Variants in GTF2A1L observed in about 807,000 individuals in gnomAD.
The protein encoded by GTF2A1L is general transcription factor IIA subunit 1 like, also known as TFIIA-alpha and beta-like factor.
GTF2A1L carries 48 observed loss-of-function variants against 49.7 expected under a neutral mutation model. The ratio of observed to expected loss-of-function variants is 0.97; its 90% confidence interval spans 0.77 to 1.23. The LOEUF is 1.23. GTF2A1L is among the 50% of genes most tolerant of loss of function. GTF2A1L has a pLI of 0.00. For synonymous variants in GTF2A1L, 246 were observed against 193.5 expected (o/e 1.27, Z -2.25); for missense variants, 736 against 564.8 (o/e 1.30, Z -3.07).
chr2:48,644,938 C>T (rs1677413348), intron 4 of GTF2A1L, 95 bp from the exon 5 acceptor site: 4 of 1,081,832 alleles, frequency 3.7e-6, no homozygotes, highest in African/African-American at 1.6e-5. Flanking sequence ...AACTATTGTC[C>T]AGAATCAGAT....
chr2:48,644,783 T>C (rs993447560), intron 4 of GTF2A1L, among the ~76,000 whole-genome samples: 1 of 152,208 alleles, frequency 6.6e-6, no homozygotes, highest in Admixed American at 6.5e-5. Flanking sequence ...TTTGAGTTAA[T>C]GTTTATACTG....
At chr2:48,638,412 T>C (rs1677022113) in intron 3 of GTF2A1L, among the ~76,000 whole-genome samples, 1 of 152,146 alleles carries the variant, frequency 6.6e-6, no homozygotes, top group Admixed American at 6.6e-5. Flanking sequence ...CAATGCAAAG[T>C]TGGCTCAGCA....
At position 48,646,675 on chromosome 2, in the gene GTF2A1L, C is replaced by T. The variant is rs200588064; in HGVS notation, c.611C>T (p.Pro204Leu). The T allele has an allele frequency of 4.3e-4, 692 of 1,614,106 alleles. No homozygotes were observed. The highest frequency in any genetic ancestry group is 2.8e-3 in the Middle Eastern group (17 of 6,062). ...LQQPAILPSG[P>L]VDRKHLENAT... The stretch of plus-strand genomic sequence containing the variant: ...CAACCCGCAATTCTACCTTCTGGGC[C>T]AGTAGATAGGAAACACTTAGAAAAT... Residue 204 changes from proline to leucine, a missense_variant, in exon 6 of 9, where the codon CCA becomes CTA. By Grantham distance (98) the Pro-to-Leu change is moderately conservative. Transcript: ENST00000403751.
At chr2:48,645,336 C>A (rs976170108) in intron 5 of GTF2A1L, among the ~76,000 whole-genome samples, 3 of 152,168 alleles carry the variant, frequency 2.0e-5, no homozygotes, top group African/African-American at 7.2e-5. Flanking sequence ...ATTCCCAGTT[C>A]TCTTTCCCAA....
At chr2:48,667,916 A>C (rs1364054574) in intron 6 of GTF2A1L, among the ~76,000 whole-genome samples, 1 of 152,176 alleles carries the variant, frequency 6.6e-6, no homozygotes, top group Non-Finnish European at 1.5e-5. Flanking sequence ...ACTCAGAAGA[A>C]ATATGAATAA....
At chr2:48,653,958 A>G (rs1187778651) in intron 6 of GTF2A1L, among the ~76,000 whole-genome samples, 2 of 151,418 alleles carry the variant, frequency 1.3e-5, no homozygotes, top group Non-Finnish European at 2.9e-5. Context: ...CAGCCCCGAA[A>G]ACATTTATAT....
Position 48,671,659 on chromosome 2 carries a change from T to A in GTF2A1L, c.1308T>A (p.Val436=), listed in dbSNP as rs3920390. The change falls in exon 8 of 9, where the codon GTT becomes GTA. Residue 436 remains valine (V), a synonymous_variant. Transcript: ENST00000403751. Reference sequence around the variant, plus strand: ...CAGACCTGTTTGACACGGATAATGTTATTGTCTGTCAGTATGATAAGGTAC... The same window carrying A: ...CAGACCTGTTTGACACGGATAATGTAATTGTCTGTCAGTATGATAAGGTAC... ...DVPDLFDTDN[V]IVCQYDKIHR... The A allele has an allele frequency of 0.97, 1,568,676 of 1,613,494 alleles. 762,657 individuals carry two copies. Among genetic ancestry groups the A allele is most frequent in the East Asian group, 1 (44,856 of 44,864 alleles).
chr2:48,662,573 G>A (rs1678573663), intron 6 of GTF2A1L, among the ~76,000 whole-genome samples: 1 of 151,946 alleles, frequency 6.6e-6, no homozygotes, highest in African/African-American at 2.4e-5. Flanking sequence ...GGGTTTTGCA[G>A]CGGCAGAGAG....
At chr2:48,649,854 A>G (rs374969636) in intron 6 of GTF2A1L, among the ~76,000 whole-genome samples, 1 of 152,288 alleles carries the variant, frequency 6.6e-6, no homozygotes, top group African/African-American at 2.4e-5. Flanking sequence ...TTCCTTCCTC[A>G]CATGAATATA....
intron 4 of GTF2A1L, among the ~76,000 whole-genome samples, chr2:48,642,875 A>C (rs1288528337): frequency 6.9e-6 from 1 of 145,584 alleles, no homozygotes; most frequent in Admixed American, 6.7e-5. Flanking sequence ...AAAAAAAAAG[A>C]TGTGGTAAAG....
intron 7 of GTF2A1L, among the ~76,000 whole-genome samples, chr2:48,670,209 C>T (rs150944219): frequency 6.6e-6 from 1 of 152,120 alleles, no homozygotes; most frequent in East Asian, 1.9e-4. Context: ...CTTGGGCCAA[C>T]ATGGTGAAAC....
intron 8 of GTF2A1L, among the ~76,000 whole-genome samples, chr2:48,675,774 A>G (rs1679435070): frequency 6.6e-6 from 1 of 151,888 alleles, no homozygotes; most frequent in African/African-American, 2.4e-5. Context: ...TATCCCTTAG[A>G]TGCTATACAA....
intron 5 of GTF2A1L, among the ~76,000 whole-genome samples, 188 bp from the exon 6 acceptor site, chr2:48,646,265 A>G (rs1043112029): frequency 6.6e-6 from 1 of 152,002 alleles, no homozygotes; most frequent in Non-Finnish European, 1.5e-5. Context: ...ATAAGAATTT[A>G]TATATTGATT....
chr2:48,678,306 G>A (rs560390831), intron 8 of GTF2A1L, among the ~76,000 whole-genome samples: 7 of 151,934 alleles, frequency 4.6e-5, no homozygotes, highest in South Asian at 2.1e-4. Flanking sequence ...TTGTATTCCC[G>A]AGAGATTTTT....
In GTF2A1L at chr2:48,646,650, C is replaced by T. The variant is rs771136435; in HGVS notation, c.586C>T (p.Gln196Ter). 6.2e-7 allele frequency: 1 copy of T among 1,614,120 alleles called. No homozygotes were observed. The highest frequency in any genetic ancestry group is 2.2e-5 in the East Asian group (1 of 44,882). Residue 196 changes from glutamine (Q) to a stop codon, truncating the protein, a stop_gained, in exon 6 of 9, where the codon CAA becomes TAA. Transcript: ENST00000403751. LOFTEE classifies it high-confidence loss of function. ...ACAGAGAATTGAAACCGTGCTACAG[C>T]AACCCGCAATTCTACCTTCTGGGCC... The part of the protein sequence containing the change: ...KSQRIETVLQ[Q>*]PAILPSGPVD...
Position 48,642,420 on chromosome 2 carries a change from C to G in GTF2A1L, c.266C>G (p.Ala89Gly). The stretch of plus-strand genomic sequence containing the variant: ...TATGCAGCATCATTAGTTATTCCTG[C>G]TGGTAGAACTCTTCCAAGTTTTACC... Reference protein sequence around the residue: ...QSSTASLVIPAGRTLPSFTTA... With the variant: ...QSSTASLVIPGGRTLPSFTTA... Residue 89 changes from alanine to glycine, a missense_variant, in exon 4 of 9, where the codon GCT (alanine) becomes GGT (glycine). By Grantham distance (60) the Ala-to-Gly change is moderately conservative. Transcript: ENST00000403751. 6.3e-7 allele frequency: 1 copy of G among 1,591,346 alleles called. No individual in the cohort carries two copies. The highest frequency in any genetic ancestry group is 8.6e-7 in the Non-Finnish European group (1 of 1,165,156).
At chr2:48,618,142 C>G in intron 1 of GTF2A1L, 1 of 512,094 alleles carries the variant, frequency 2.0e-6, no homozygotes, top group Non-Finnish European at 3.4e-6. Context: ...TTTACCCAAA[C>G]TGAGGCTATC....
intron 6 of GTF2A1L, among the ~76,000 whole-genome samples, chr2:48,661,909 G>A (rs6749600): frequency 0.17 from 25,873 of 152,046 alleles, 2,561 homozygotes; most frequent in South Asian, 0.24. Flanking sequence ...AGTAATTACT[G>A]ATCGGAAAGA....
At chr2:48,654,703 A>G (rs116216642) in intron 6 of GTF2A1L, among the ~76,000 whole-genome samples, 64 of 152,154 alleles carry the variant, frequency 4.2e-4, no homozygotes, top group Non-Finnish European at 7.6e-4. Context: ...TTTTTTACAT[A>G]TGGATATTCA....
Sources: gnomAD v4.1 joint callset for allele counts (sites outside exome capture counted in the v4.1 genomes callset) on GRCh38, gnomAD v4.1.1 for gene constraint, MANE v1.5 for transcripts, NCBI Gene and HGNC (gene_info 2026-07-23, HGNC 2026-07-21) for gene names.